The following DCAF8L2 variants were observed in gnomAD, a reference collection of about 807,000 sequenced individuals.
DCAF8L2 encodes the protein DDB1 and CUL4 associated factor 8 like 2, also known as DDB1- and CUL4-associated factor 8-like protein 2.
For synonymous variants in DCAF8L2, 200 were observed against 190.9 expected (o/e 1.05, Z -0.39); for missense variants, 430 against 490.7 (o/e 0.88, Z 1.17).
chrX:27,480,706 C>A, the DCAF8L2 span, among the ~76,000 whole-genome samples: 1 of 111,564 alleles, frequency 9.0e-6, no homozygotes, highest in African/African-American at 3.3e-5. Flanking sequence ...AGGTGCAAAT[C>A]CATGAGTGTT....
At chrX:27,599,774 G>C (rs1300716418) in intron 1 of DCAF8L2, among the ~76,000 whole-genome samples, 6 of 111,247 alleles carry the variant, frequency 5.4e-5, no homozygotes, top group Non-Finnish European at 7.5e-5. Flanking sequence ...CCAAACCATA[G>C]TTAATCCAAA....
the DCAF8L2 span, among the ~76,000 whole-genome samples, chrX:27,526,189 A>G: frequency 1.8e-5 from 2 of 111,005 alleles, no homozygotes; most frequent in Non-Finnish European, 3.8e-5. Context: ...TGGTCTTTTC[A>G]CATAGTCCCA....
rs1482293254 is a variant in DCAF8L2 at position 27,733,581 on chromosome X, A to G, written c.-58-13257A>G. Among the ~76,000 whole-genome samples the G allele has an allele frequency of 2.7e-5, 3 of 111,741 alleles. No homozygotes were observed. The East Asian group carries it at 8.4e-4, about 31-fold the overall frequency. ...TTTTGTTGCTTGAGCTTGTAGTATG[A>G]TATGCCACAAAAAATCATTGCCAAG... On this transcript the variant is annotated intron_variant, in intron 4 of 4. Coordinates refer to ENST00000451261, the MANE Select transcript of DCAF8L2 (RefSeq NM_001353450.2).
chrX:27,707,641 T>C (rs1239337482), intron 3 of DCAF8L2, among the ~76,000 whole-genome samples: 1 of 111,697 alleles, frequency 9.0e-6, no homozygotes, highest in Non-Finnish European at 1.9e-5. Context: ...GAAAGGAGCA[T>C]ATATGGAAAT....
intron 2 of DCAF8L2, among the ~76,000 whole-genome samples, chrX:27,638,260 A>G (rs1011176201): frequency 8.9e-6 from 1 of 111,843 alleles, no homozygotes; most frequent in African/African-American, 3.3e-5. Flanking sequence ...TAATGGACTC[A>G]GATCTCAACA....
intron 3 of DCAF8L2, among the ~76,000 whole-genome samples, chrX:27,704,061 G>GTGTATA (rs1555930566): frequency 3.0e-5 from 3 of 99,163 alleles, no homozygotes; most frequent in African/African-American, 1.2e-4. Flanking sequence ...CATTGTGTGT[G>GTGTATA]TATATATATA....
rs769923064 is a variant in DCAF8L2, at chrX:27,747,696, A to G, written c.801A>G (p.Glu267=). Residue 267 remains glutamate, a synonymous_variant, in exon 5 of 5, where the codon GAA becomes GAG. Transcript: ENST00000451261. ...GGCAGAGGCCAGTACTGAACTTTGA[A>G]AGTGGTCACACAAATAATGTCTTCC... The part of the protein sequence containing the change: ...WVRQRPVLNF[E]SGHTNNVFQA... 1.7e-6 allele frequency: 2 copies of G among 1,210,728 alleles called. No homozygotes were observed. Among genetic ancestry groups the G allele is most frequent in the East Asian group, 5.9e-5 (2 of 33,817 alleles).
intron 2 of DCAF8L2, among the ~76,000 whole-genome samples, chrX:27,638,693 G>A (rs1336996504): frequency 1.8e-5 from 2 of 111,751 alleles, no homozygotes; most frequent in East Asian, 5.6e-4. Context: ...TTCACAAGTG[G>A]CTTTACAGAT....
rs1424671542 is a variant in DCAF8L2, at chrX:27,619,325, C to T, written c.-341-12554C>T. Among the ~76,000 whole-genome samples, 3 of 110,757 alleles carry T rather than the reference C, an allele frequency of 2.7e-5. No homozygotes were observed. The East Asian group carries it at 8.4e-4, about 31-fold the overall frequency. On this transcript the variant is annotated intron_variant, in intron 1 of 4. Coordinates refer to ENST00000451261, the MANE Select transcript of DCAF8L2 (RefSeq NM_001353450.2). ...TAATTTACCAATAGAAACCGTTTCT[C>T]TATAAGTGAGGCCTCATCCAGAAAA... is the stretch of plus-strand genomic sequence containing the variant.
intron 1 of DCAF8L2, among the ~76,000 whole-genome samples, chrX:27,614,368 G>A (rs1233185806): frequency 1.5e-4 from 17 of 110,231 alleles, no homozygotes; most frequent in African/African-American, 4.3e-4. Flanking sequence ...TCTTACTAGC[G>A]GTCTATCAAT....
intron 2 of DCAF8L2, among the ~76,000 whole-genome samples, chrX:27,648,523 T>TTATA (rs57191431): frequency 0.013 from 1,311 of 102,029 alleles, 8 homozygotes; most frequent in South Asian, 0.021. Flanking sequence ...TATGTATTAT[T>TTATA]TATATATATA....
At chrX:27,525,873 G>C in the DCAF8L2 span, among the ~76,000 whole-genome samples, 3 of 111,965 alleles carry the variant, frequency 2.7e-5, no homozygotes, top group East Asian at 8.4e-4. Context: ...CTTCTGGCTT[G>C]AGAGTTTCTG....
intron 2 of DCAF8L2, among the ~76,000 whole-genome samples, chrX:27,635,786 CGTGTGTGTGTGTGTGTGTGTGT>C (rs754830405): frequency 0.26 from 23,022 of 90,068 alleles, 2,537 homozygotes; most frequent in Middle Eastern, 0.39. Flanking sequence ...TTTCCTTTTA[CGTGTGTGTGTGTGTGTGTGTGT>C]GTGTGTGTGT....
chrX:27,549,024 A>G, the DCAF8L2 span, among the ~76,000 whole-genome samples: 2 of 112,050 alleles, frequency 1.8e-5, no homozygotes, highest in Non-Finnish European at 3.8e-5. Context: ...ACAAGGCTGT[A>G]GCTCCACATT....
chrX:27,532,637 C>A, the DCAF8L2 span, among the ~76,000 whole-genome samples: 1 of 110,802 alleles, frequency 9.0e-6, no homozygotes, highest in East Asian at 2.8e-4. Context: ...GTGGCTTGCA[C>A]CAGTAATCCC....
At chrX:27,639,828 T>C (rs923515894) in intron 2 of DCAF8L2, among the ~76,000 whole-genome samples, 3 of 112,374 alleles carry the variant, frequency 2.7e-5, no homozygotes, top group Non-Finnish European at 5.6e-5. Context: ...TCATTTTTAA[T>C]CGTAATACAT....
chrX:27,708,410 C>T (rs1464185631), intron 3 of DCAF8L2, among the ~76,000 whole-genome samples: 1 of 111,486 alleles, frequency 9.0e-6, no homozygotes, highest in Admixed American at 9.6e-5. Context: ...ACATCTATAC[C>T]CATACCACTC....
the DCAF8L2 span, among the ~76,000 whole-genome samples, chrX:27,522,113 C>T: frequency 3.6e-5 from 4 of 112,150 alleles, no homozygotes; most frequent in South Asian, 1.1e-3. Flanking sequence ...CCACAAGCCC[C>T]GCCTCCTGGC....
the DCAF8L2 span, among the ~76,000 whole-genome samples, chrX:27,510,288 A>G: frequency 1.8e-5 from 2 of 110,253 alleles, no homozygotes; most frequent in East Asian, 5.7e-4. Flanking sequence ...TTATTTTGTA[A>G]CCAGAGTGGT....
Sources: gnomAD v4.1 joint callset for allele counts (sites outside exome capture counted in the v4.1 genomes callset) on GRCh38, gnomAD v4.1.1 for gene constraint, MANE v1.5 for transcripts, NCBI Gene and HGNC (gene_info 2026-07-23, HGNC 2026-07-21) for gene names.